DRD3: variants seen among roughly 807,000 people sequenced by gnomAD.
DRD3 encodes dopamine receptor D3, also known as D(3) dopamine receptor.
A neutral mutation model predicts 36.3 loss-of-function variants in DRD3; 19 were observed. The ratio of observed to expected loss-of-function variants is 0.52; its 90% confidence interval spans 0.36 to 0.77. The LOEUF is 0.77. DRD3 is among the 30% of genes least tolerant of loss of function. The probability of loss-of-function intolerance (pLI) is 0.00; values close to 1 mark genes in which losing one functional copy is unlikely to be tolerated. For synonymous variants in DRD3, 195 were observed against 203.7 expected (o/e 0.96, Z 0.36); for missense variants, 465 against 505.3 (o/e 0.92, Z 0.77).
intron 1 of DRD3, among the ~76,000 whole-genome samples, chr3:114,191,873 A>G (rs1308332070): frequency 6.6e-6 from 1 of 152,258 alleles, no homozygotes; most frequent in African/African-American, 2.4e-5. Flanking sequence ...AAGAGCATTG[A>G]GGATCAATCA....
chr3:114,190,102 C>T (rs996082968), intron 1 of DRD3, among the ~76,000 whole-genome samples: 4 of 152,002 alleles, frequency 2.6e-5, no homozygotes, highest in African/African-American at 9.7e-5. Flanking sequence ...ATAATTTTAG[C>T]TCTTTTACAT....
intron 3 of DRD3, among the ~76,000 whole-genome samples, chr3:114,155,690 C>A (rs1304327010): frequency 6.6e-6 from 1 of 152,096 alleles, no homozygotes; most frequent in Non-Finnish European, 1.5e-5. Flanking sequence ...GAACAACCTG[C>A]ACAACCTCAC....
intron 1 of DRD3, among the ~76,000 whole-genome samples, chr3:114,191,342 GGGGCAGCCAACC>G (rs2078009814): frequency 6.6e-6 from 1 of 152,188 alleles, no homozygotes; most frequent in Non-Finnish European, 1.5e-5. Context: ...TGAAAGACAA[GGGGCAGCCAACC>G]ATGCAAAGGT....
intron 2 of DRD3, among the ~76,000 whole-genome samples, chr3:114,169,425 TC>T (rs1398396439): frequency 6.6e-6 from 1 of 151,004 alleles, no homozygotes; most frequent in South Asian, 2.1e-4. Context: ...ACGTCTCTGC[TC>T]CCCTGAATCT....
intron 6 of DRD3, among the ~76,000 whole-genome samples, chr3:114,129,796 A>G (rs1577575901): frequency 6.6e-6 from 1 of 152,136 alleles, no homozygotes; most frequent in African/African-American, 2.4e-5. Context: ...AGTGGCTCAC[A>G]CCTGTAATCC....
In DRD3 at chr3:114,147,439, G is replaced by T; in HGVS notation, c.502C>A (p.Leu168Ile). ...WVLAFAVSCP[L>I]LFGFNTTGDP... The stretch of plus-strand genomic sequence containing the variant: ...CCTGTGGTATTAAAGCCAAACAGAA[G>T]AGGGCAGGACACAGCAAAGGCCAGT... The change falls in exon 4 of 7, where the codon CTT (leucine) becomes ATT (isoleucine). Residue 168 changes from leucine (L) to isoleucine (I), a missense_variant. By Grantham distance (5) the Leu-to-Ile change is conservative. Coordinates refer to ENST00000383673, the MANE Select transcript of DRD3 (RefSeq NM_000796.6). 6.2e-7 allele frequency: 1 copy of T among 1,613,574 alleles called. No individual in the cohort carries two copies. Among genetic ancestry groups the T allele is most frequent in the Non-Finnish European group, 8.5e-7 (1 of 1,179,788 alleles).
intron 1 of DRD3, among the ~76,000 whole-genome samples, chr3:114,193,221 G>A (rs1470299339): frequency 6.6e-6 from 1 of 152,338 alleles, no homozygotes; most frequent in South Asian, 2.1e-4. Flanking sequence ...GGAGCTTGGA[G>A]TGAGCCAAGA....
At chr3:114,198,467 T>C (rs1446752379) in intron 1 of DRD3, among the ~76,000 whole-genome samples, 1 of 152,162 alleles carries the variant, frequency 6.6e-6, no homozygotes, top group Non-Finnish European at 1.5e-5. Context: ...CAATTGCTTG[T>C]TGCTATTATA....
At chr3:114,198,041 A>T (rs1243326238) in intron 1 of DRD3, among the ~76,000 whole-genome samples, 1 of 152,186 alleles carries the variant, frequency 6.6e-6, no homozygotes, top group African/African-American at 2.4e-5. Context: ...GATCTTCTAT[A>T]TAAATCTATA....
chr3:114,189,828 T>G (rs1178330489), intron 1 of DRD3, among the ~76,000 whole-genome samples: 1 of 152,214 alleles, frequency 6.6e-6, no homozygotes, highest in African/African-American at 2.4e-5. Flanking sequence ...CTCCCCAGCC[T>G]GAACCCTTGA....
intron 1 of DRD3, among the ~76,000 whole-genome samples, chr3:114,192,495 A>G (rs1319501251): frequency 6.6e-6 from 1 of 152,186 alleles, no homozygotes; most frequent in East Asian, 1.9e-4. Context: ...TAGGTCATAC[A>G]TTTTGATACA....
chr3:114,192,647 A>G (rs957269645), intron 1 of DRD3, among the ~76,000 whole-genome samples: 3 of 152,150 alleles, frequency 2.0e-5, no homozygotes, highest in Non-Finnish European at 4.4e-5. Context: ...CCAGATGACT[A>G]TTTTATGACA....
At position 114,128,430 on chromosome 3, in the gene DRD3, C is replaced by T. The variant is rs373805244; in HGVS notation, c.*286G>A. Among the ~76,000 whole-genome samples, 1 of 152,126 alleles carries T rather than the reference C, an allele frequency of 6.6e-6. No homozygotes were observed. The highest frequency in any genetic ancestry group is 2.4e-5 in the African/African-American group (1 of 41,422). The stretch of plus-strand genomic sequence containing the variant: ...GTGTAATGAATCATGCCTCTGATGA[C>T]AATTTTGTGTGAGTCATGTTTTATC... On this transcript the variant is annotated 3_prime_UTR_variant, in exon 7 of 7. Transcript: ENST00000383673.
chr3:114,130,658 C>T (rs1323214568), intron 6 of DRD3, among the ~76,000 whole-genome samples: 6 of 152,086 alleles, frequency 3.9e-5, no homozygotes, highest in Admixed American at 2.0e-4. Context: ...CTCCTGACCT[C>T]GTGATCTGCC....
intron 3 of DRD3, among the ~76,000 whole-genome samples, chr3:114,154,489 A>G (rs1049188280): frequency 6.6e-6 from 1 of 152,116 alleles, no homozygotes; most frequent in African/African-American, 2.4e-5. Flanking sequence ...GCTGCTTTTC[A>G]CCATCTTTTA....
intron 1 of DRD3, among the ~76,000 whole-genome samples, chr3:114,172,868 C>A (rs530838559): frequency 3.9e-5 from 6 of 151,926 alleles, no homozygotes; most frequent in Admixed American, 3.9e-4. Context: ...AGGCCTGTGA[C>A]TTAGGGAGTA....
rs1419551470 is a variant in DRD3, at chr3:114,178,703, C to T, written c.-82G>A. 6.6e-6 allele frequency: 1 copy of T among 152,144 alleles called. No individual in the cohort carries two copies. Among genetic ancestry groups the T allele is most frequent in the Non-Finnish European group, 1.5e-5 (1 of 68,006 alleles). The allele number at this position is 152,144 out of a possible 1,614,324, so 9.4% of individuals were successfully genotyped here. ...CTGGAGACCGAGGAGTTTACCACTT[C>T]GGCTCCTGCAGCCATTTACTGACAG... On this transcript the variant is annotated 5_prime_UTR_variant, in exon 1 of 7. Coordinates refer to ENST00000383673, the MANE Select transcript of DRD3 (RefSeq NM_000796.6).
At chr3:114,173,312 G>C (rs141791188) in intron 1 of DRD3, among the ~76,000 whole-genome samples, 181 of 152,202 alleles carry the variant, frequency 1.2e-3, no homozygotes, top group African/African-American at 4.0e-3. Flanking sequence ...AGCCCAAAAG[G>C]ACTAAGGCAC....
At chr3:114,163,710 C>T (rs1447518937) in intron 2 of DRD3, among the ~76,000 whole-genome samples, 1 of 152,016 alleles carries the variant, frequency 6.6e-6, no homozygotes, top group East Asian at 1.9e-4. Flanking sequence ...TTTGCTTGGG[C>T]GGGTGTATTG....
Sources: allele counts gnomAD v4.1 joint callset (sites outside exome capture counted in the v4.1 genomes callset), GRCh38; gene constraint gnomAD v4.1.1; transcripts MANE v1.5; gene names NCBI Gene and HGNC (gene_info 2026-07-23, HGNC 2026-07-21).